The following LAMA2 variants were observed in gnomAD, a reference collection of about 807,000 sequenced individuals.
LAMA2 encodes laminin subunit alpha-2.
In LAMA2, 269 loss-of-function variants were observed where a neutral mutation model predicts 364.8. The observed-to-expected ratio is 0.74, with a 90% CI of 0.67 to 0.82. LAMA2 has a LOEUF of 0.82. LAMA2 is among the 40% of genes least tolerant of loss of function. The pLI, the probability that LAMA2 is intolerant of heterozygous loss-of-function variation, is 0.00. For missense variants in LAMA2, 3,807 were observed against 3,873.2 expected, an observed-to-expected ratio of 0.98 and a Z score of 0.45; for synonymous variants, 1,379 against 1,370.6, an observed-to-expected ratio of 1.01 and a Z score of -0.14.
At chr6:128,886,812 A>G (rs1668648757) in intron 1 of LAMA2, among the ~76,000 whole-genome samples, 2 of 152,292 alleles carry the variant, frequency 1.3e-5, no homozygotes, top group South Asian at 4.1e-4. Flanking sequence ...TGAGTTGTTC[A>G]GAAATAGCTG....
At chr6:129,098,857 T>A (rs1775341457) in intron 4 of LAMA2, among the ~76,000 whole-genome samples, 1 of 152,208 alleles carries the variant, frequency 6.6e-6, no homozygotes, top group Admixed American at 6.5e-5. Flanking sequence ...AATCTTTTGA[T>A]GTTTTTCTGC....
At chr6:129,489,055 G>A (rs1784731989) in intron 56 of LAMA2, among the ~76,000 whole-genome samples, 1 of 152,182 alleles carries the variant, frequency 6.6e-6, no homozygotes, top group South Asian at 2.1e-4. Context: ...CTCCATCTAT[G>A]CACAGCCAAT....
intron 12 of LAMA2, among the ~76,000 whole-genome samples, chr6:129,242,433 A>T (rs960844809): frequency 6.6e-6 from 1 of 152,104 alleles, no homozygotes; most frequent in Non-Finnish European, 1.5e-5. Context: ...TTGGATTAAA[A>T]TTTTTTCTGT....
At chr6:129,198,664 G>A (rs1012643829) in intron 12 of LAMA2, among the ~76,000 whole-genome samples, 3 of 151,554 alleles carry the variant, frequency 2.0e-5, no homozygotes, top group African/African-American at 7.3e-5. Flanking sequence ...TGTAAAAATG[G>A]GCATAACTGC....
At chr6:129,243,705 T>C (rs1299830986) in intron 12 of LAMA2, among the ~76,000 whole-genome samples, 1 of 151,914 alleles carries the variant, frequency 6.6e-6, no homozygotes, top group Non-Finnish European at 1.5e-5. Flanking sequence ...CAGGTTAAAC[T>C]GATTGTAGTG....
At chr6:129,495,845 A>G (rs559062931) in intron 58 of LAMA2, among the ~76,000 whole-genome samples, 110 of 146,834 alleles carry the variant, frequency 7.5e-4, no homozygotes, top group African/African-American at 2.5e-3. Context: ...TTTTTTTTTT[A>G]TAACCTTCTG....
chr6:129,079,745 G>A (rs943041085), intron 3 of LAMA2, among the ~76,000 whole-genome samples: 1 of 151,994 alleles, frequency 6.6e-6, no homozygotes, highest in African/African-American at 2.4e-5. Context: ...CTTGAAACAT[G>A]ACAGATACAA....
intron 29 of LAMA2, among the ~76,000 whole-genome samples, chr6:129,330,873 TTC>T (rs1775608972): frequency 6.6e-6 from 1 of 151,964 alleles, no homozygotes; most frequent in African/African-American, 2.4e-5. Context: ...TACCTGCACC[TTC>T]TTTTTTTTTT....
At chr6:129,365,512 G>C (rs1012609308) in intron 32 of LAMA2, among the ~76,000 whole-genome samples, 2 of 151,878 alleles carry the variant, frequency 1.3e-5, no homozygotes, top group African/African-American at 4.8e-5. Flanking sequence ...ACAGGGGCCC[G>C]CCACCACGCC....
chr6:129,244,468 A>C (rs911313128), intron 12 of LAMA2, among the ~76,000 whole-genome samples: 1 of 152,102 alleles, frequency 6.6e-6, no homozygotes, highest in African/African-American at 2.4e-5. Flanking sequence ...AGATATGTTT[A>C]ATTTATCCTG....
chr6:129,473,451 T>A, intron 52 of LAMA2, 99 bp downstream of exon 52: 1 of 1,190,026 alleles, frequency 8.4e-7, no homozygotes, highest in South Asian at 1.3e-5. Flanking sequence ...GAATGTCATA[T>A]AACCCTTGGT....
chr6:129,474,926 C>T (rs1162560809), intron 52 of LAMA2, among the ~76,000 whole-genome samples: 2 of 152,128 alleles, frequency 1.3e-5, no homozygotes, highest in South Asian at 2.1e-4. Context: ...AGGAACCAAA[C>T]ATTCATAGTT....
chr6:129,173,320 C>G lies in LAMA2; in HGVS notation c.1307-4386C>G, dbSNP rs531481161. On this transcript the variant is annotated intron_variant, in intron 9 of 64. Coordinates refer to ENST00000421865, the MANE Select transcript of LAMA2 (RefSeq NM_000426.4). ...GAAAGGTGAAGAAATGTATCATTCA[C>G]AACACCTCCCTCCTTCATTCCACCA... is the stretch of plus-strand genomic sequence containing the variant. Among the ~76,000 whole-genome samples, 44 of 152,346 alleles carry G rather than the reference C, an allele frequency of 2.9e-4. No individual in the cohort carries two copies. The South Asian group carries it at 7.5e-3, about 26-fold the overall frequency.
At chr6:129,207,519 T>C (rs1231926372) in intron 12 of LAMA2, among the ~76,000 whole-genome samples, 1 of 152,174 alleles carries the variant, frequency 6.6e-6, no homozygotes, top group Non-Finnish European at 1.5e-5. Context: ...TAGAGATTCT[T>C]TTTTCTTTGT....
intron 52 of LAMA2, 66 bp from the exon 53 acceptor site, chr6:129,475,324 T>G: frequency 1.1e-6 from 1 of 937,572 alleles, no homozygotes; most frequent in Non-Finnish European, 1.6e-6. Context: ...TTTTACTAAA[T>G]GAAAATGTAA....
Position 129,312,946 on chromosome 6 carries a change from G to C in LAMA2, c.3260G>C (p.Gly1087Ala). ...TGCAACTGTCATCCAAAATTCTCTG[G>C]TGCAAAATGTACAGAGTGCAGTCGA... Reference protein sequence around the residue: ...GQCNCHPKFSGAKCTECSRGH... With the variant: ...GQCNCHPKFSAAKCTECSRGH... The change falls in exon 23 of 65, where the codon GGT becomes GCT. Residue 1087 changes from glycine (G) to alanine (A), a missense_variant. By Grantham distance (60) the Gly-to-Ala change is moderately conservative (BLOSUM62 0). Coordinates refer to ENST00000421865, the MANE Select transcript of LAMA2 (RefSeq NM_000426.4). 6.2e-7 allele frequency: 1 copy of C among 1,614,136 alleles called. No individual in the cohort carries two copies. The highest frequency in any genetic ancestry group is 1.1e-5 in the South Asian group (1 of 91,074).
chr6:129,063,202 T>G lies in LAMA2; in HGVS notation c.396+3306T>G, dbSNP rs373897110. On this transcript the variant is annotated intron_variant, in intron 3 of 64. Transcript: ENST00000421865. ...ATAGCAACTAAATTCCATCTCACAA[T>G]TACAGCTATTAAAAGGATCTAGAGT... Among the ~76,000 whole-genome samples the G allele has an allele frequency of 3.9e-5, 6 of 152,176 alleles. No homozygotes were observed. In the East Asian group the frequency reaches 9.7e-4, roughly 25 times the overall value.
chr6:128,934,335 G>A lies in LAMA2; in HGVS notation c.112+50978G>A, dbSNP rs562890997. 2.6e-5 allele frequency among the ~76,000 whole-genome samples: 4 copies of A among 152,098 alleles called. No individual in the cohort carries two copies. The South Asian group carries it at 8.3e-4, about 32-fold the overall frequency. On this transcript the variant is annotated intron_variant, in intron 1 of 64. Coordinates refer to ENST00000421865, the MANE Select transcript of LAMA2 (RefSeq NM_000426.4). The stretch of plus-strand genomic sequence containing the variant: ...CTATCACACTGTTTTGATTACCATG[G>A]CTTTGTATATAGTTTGAAATCAGGA...
chr6:129,148,365 C>T (rs2114966771), intron 6 of LAMA2, among the ~76,000 whole-genome samples: 1 of 151,996 alleles, frequency 6.6e-6, no homozygotes, highest in Middle Eastern at 3.4e-3. Context: ...TGGAGGGAGG[C>T]AAAGGGAGGG....
Sources: gnomAD v4.1 joint callset for allele counts (sites outside exome capture counted in the v4.1 genomes callset) on GRCh38, gnomAD v4.1.1 for gene constraint, MANE v1.5 for transcripts, NCBI Gene and HGNC (gene_info 2026-07-23, HGNC 2026-07-21) for gene names.